SPINK2: variants seen among roughly 807,000 people sequenced by gnomAD.
SPINK2 encodes the protein serine protease inhibitor Kazal-type 2.
Under a neutral mutation model 13.5 loss-of-function variants are expected in SPINK2, and 8 were observed. The observed-to-expected ratio is 0.59, with a 90% CI of 0.35 to 1.07. The LOEUF (loss-of-function observed/expected upper bound fraction) is 1.07. SPINK2 is among the 50% of genes least tolerant of loss of function. SPINK2 has a pLI of 0.02. For synonymous variants in SPINK2, 76 were observed against 74.7 expected (o/e 1.02, Z -0.09); for missense variants, 148 against 180.3 (o/e 0.82, Z 1.03).
intron 2 of SPINK2, among the ~76,000 whole-genome samples, chr4:56,819,232 T>C (rs761178459): frequency 2.6e-5 from 4 of 152,186 alleles, no homozygotes; most frequent in Admixed American, 6.5e-5. Context: ...TGTGTGTGTA[T>C]ACATATCTAC....
chr4:56,813,047 C>A (rs1406213311), intron 2 of SPINK2, among the ~76,000 whole-genome samples: 2 of 152,056 alleles, frequency 1.3e-5, no homozygotes, highest in African/African-American at 4.8e-5. Flanking sequence ...AAGAGCGGAG[C>A]GTGGTGGCTC....
chr4:56,815,570 G>C (rs1237720736), intron 2 of SPINK2, among the ~76,000 whole-genome samples: 1 of 151,846 alleles, frequency 6.6e-6, no homozygotes, highest in Non-Finnish European at 1.5e-5. Context: ...CGTGGTGGCA[G>C]GCACCTGTAA....
At chr4:56,814,952 C>T (rs935868846) in intron 2 of SPINK2, among the ~76,000 whole-genome samples, 1 of 124,544 alleles carries the variant, frequency 8.0e-6, no homozygotes, top group Non-Finnish European at 1.6e-5. Flanking sequence ...CAGAGCAAGA[C>T]TCCGTCTCAA....
At position 56,821,571 on chromosome 4, in the gene SPINK2, G is replaced by A. The variant is rs1175771709; in HGVS notation, c.92C>T (p.Pro31Leu). Reference sequence around the variant, plus strand: ...CTGACTCCCAAACCCGCTTTTCTCCGGAGGTCCCCGCTCGCCAGGACCGCT... The same window carrying A: ...CTGACTCCCAAACCCGCTTTTCTCCAGAGGTCCCCGCTCGCCAGGACCGCT... ...ARSGPGERGPPEKSGFGSQTG... is the reference protein window; with the variant it reads ...ARSGPGERGPLEKSGFGSQTG... Residue 31 changes from proline (P) to leucine (L), a missense_variant, in exon 1 of 4, where the codon CCG becomes CTG. Physicochemically the swap from Pro to Leu is moderately conservative, Grantham distance 98. Coordinates refer to ENST00000506738, the MANE Select transcript of SPINK2 (RefSeq NM_001271718.2). 6.5e-7 allele frequency: 1 copy of A among 1,548,008 alleles called. No homozygotes were observed. The highest frequency in any genetic ancestry group is 1.4e-5 in the African/African-American group (1 of 73,066).
At chr4:56,821,351 T>C in intron 1 of SPINK2, 107 bp downstream of exon 1, 1 of 1,402,680 alleles carries the variant, frequency 7.1e-7, no homozygotes, top group South Asian at 1.6e-5. Flanking sequence ...GAAAGCGCTC[T>C]AGATGGCAGG....
chr4:56,813,620 C>CT lies in SPINK2; in HGVS notation c.250-1827dup, dbSNP rs112363076. On this transcript the variant is annotated intron_variant, in intron 2 of 3. Transcript: ENST00000506738. The stretch of plus-strand genomic sequence containing the variant: ...TCTAGGTTGTGCACTCCTTATGAGA[C>CT]TTTTTTTTTTTTTTGAGACAGAGTT... Among the ~76,000 whole-genome samples, 632 of 142,196 alleles carry CT rather than the reference C, an allele frequency of 4.4e-3. 1 individual carries two copies. Among genetic ancestry groups the CT allele is most frequent in the Non-Finnish European group, 6.2e-3 (400 of 64,644 alleles). 93.3% of individuals were successfully genotyped at this position (142,196 alleles called of 152,430 possible). A position where few individuals can be genotyped will look rare whatever the true frequency, so the allele number is the denominator to read the frequency against.
intron 1 of SPINK2, 111 bp downstream of exon 1, chr4:56,821,347 G>T: frequency 7.1e-7 from 1 of 1,400,134 alleles, no homozygotes; most frequent in Non-Finnish European, 9.2e-7. Flanking sequence ...CAGAGAAAGC[G>T]CTCTAGATGG....
chr4:56,820,962 G>A (rs1026328764), intron 1 of SPINK2, among the ~76,000 whole-genome samples: 3 of 152,202 alleles, frequency 2.0e-5, no homozygotes, highest in African/African-American at 7.2e-5. Context: ...GGTTGGTTGA[G>A]AAAGGACTTT....
intron 2 of SPINK2, 103 bp from the exon 3 acceptor site, chr4:56,811,897 C>T: frequency 1.1e-5 from 3 of 284,370 alleles, no homozygotes; most frequent in African/African-American, 2.3e-5. Flanking sequence ...TTCCTAGAAT[C>T]ATTTAATAAA....
chr4:56,819,989 A>G (rs1717798106), intron 2 of SPINK2, among the ~76,000 whole-genome samples: 1 of 152,178 alleles, frequency 6.6e-6, no homozygotes, highest in African/African-American at 2.4e-5. Flanking sequence ...TAGGACAACC[A>G]GAGAAAACCA....
chr4:56,815,756 A>T (rs548597741), intron 2 of SPINK2, among the ~76,000 whole-genome samples: 1 of 132,882 alleles, frequency 7.5e-6, no homozygotes, highest in Admixed American at 8.4e-5. Context: ...GAAATTCCTA[A>T]GAAATTCACA....
intron 2 of SPINK2, among the ~76,000 whole-genome samples, chr4:56,817,826 C>T (rs957124166): frequency 5.3e-5 from 8 of 151,460 alleles, no homozygotes. Flanking sequence ...TGCACTCCAC[C>T]CTGGCAACAA....
Position 56,812,279 on chromosome 4 carries a change from G to C in SPINK2, c.250-485C>G, listed in dbSNP as rs183051503. ...TATGTAAAAAAAGGACTTTGGCTGG[G>C]AGCAGTGGCTTACGCCTGTAATCCC... On this transcript the variant is annotated intron_variant, in intron 2 of 3. Transcript: ENST00000506738. 3.9e-3 allele frequency among the ~76,000 whole-genome samples: 589 copies of C among 151,844 alleles called. 3 individuals carry two copies. Among genetic ancestry groups the C allele is most frequent in the African/African-American group, 0.014 (568 of 41,458 alleles).
At chr4:56,816,439 G>T (rs1717455271) in intron 2 of SPINK2, among the ~76,000 whole-genome samples, 1 of 151,782 alleles carries the variant, frequency 6.6e-6, no homozygotes, top group Non-Finnish European at 1.5e-5. Flanking sequence ...ATCACTTGAG[G>T]TCAGGAATTC....
chr4:56,811,937 CTT>C (rs375969300), intron 2 of SPINK2, 143 bp from the exon 3 acceptor site: 2,704 of 172,970 alleles, frequency 0.016, no homozygotes, highest in South Asian at 0.034. Context: ...AAAATTTTTT[CTT>C]TTTTTTTTTT....
Position 56,820,596 on chromosome 4 carries a change from T to C in SPINK2, c.206-17A>G, listed in dbSNP as rs376843108. ...TCAGAGAGGCTGTAAGAAGAAAGCATAGACATTTTACAGTATAGGATCAAG... is the reference window on the plus strand; with the variant it reads ...TCAGAGAGGCTGTAAGAAGAAAGCACAGACATTTTACAGTATAGGATCAAG... On this transcript the variant is annotated splice_polypyrimidine_tract_variant and intron_variant, in intron 1 of 3. Transcript: ENST00000506738. 4.4e-5 allele frequency: 71 copies of C among 1,600,224 alleles called. 1 individual carries two copies. The African/African-American group carries it at 7.4e-4, about 17-fold the overall frequency.
chr4:56,811,660 G>T, intron 3 of SPINK2, 25 bp downstream of exon 3: 1 of 1,452,204 alleles, frequency 6.9e-7, no homozygotes, highest in Non-Finnish European at 9.5e-7. Context: ...AACTTGGCTA[G>T]TCTACAGCTG....
chr4:56,819,691 C>T (rs1249823507), intron 2 of SPINK2, among the ~76,000 whole-genome samples: 1 of 150,712 alleles, frequency 6.6e-6, no homozygotes, highest in East Asian at 1.9e-4. Context: ...ACTCAGCTCA[C>T]TGCAACCTTT....
intron 2 of SPINK2, among the ~76,000 whole-genome samples, chr4:56,813,493 C>T (rs1446810387): frequency 6.6e-6 from 1 of 152,050 alleles, no homozygotes; most frequent in East Asian, 1.9e-4. Context: ...AAGTGGCTGG[C>T]CAGTGAGCGT....
Sources: gnomAD v4.1 joint callset for allele counts (sites outside exome capture counted in the v4.1 genomes callset) on GRCh38, gnomAD v4.1.1 for gene constraint, MANE v1.5 for transcripts, NCBI Gene and HGNC (gene_info 2026-07-23, HGNC 2026-07-21) for gene names.